Variants in FOXA3 observed in about 807,000 individuals in gnomAD.
FOXA3 encodes the protein hepatocyte nuclear factor 3-gamma.
FOXA3 carries 11 observed loss-of-function variants against 16.9 expected under a neutral mutation model. That is an observed-to-expected ratio of 0.65 (90% confidence interval 0.41 to 1.08). The LOEUF (loss-of-function observed/expected upper bound fraction) is 1.08, where lower values mean the gene tolerates loss of function less well. FOXA3 is among the 50% of genes least tolerant of loss of function. FOXA3 has a pLI of 0.00. For synonymous variants in FOXA3, 217 were observed against 203.3 expected, an observed-to-expected ratio of 1.07 and a Z score of -0.57; for missense variants, 423 against 470.1, an observed-to-expected ratio of 0.90 and a Z score of 0.93.
In FOXA3 at chr19:45,869,832, C is replaced by A. The variant is rs578030236; in HGVS notation, c.70-2243C>A. Among the ~76,000 whole-genome samples the A allele has an allele frequency of 1.2e-3, 185 of 151,808 alleles. 1 individual carries two copies. The highest frequency in any genetic ancestry group is 3.9e-3 in the African/African-American group (161 of 41,386). On this transcript the variant is annotated intron_variant, in intron 1 of 1. Transcript: ENST00000302177. The stretch of plus-strand genomic sequence containing the variant: ...ACAGAGTCTTGCTCTGTCGCCCAGG[C>A]TGGAGGGCAGTGGTGCAATCTCGGC...
At chr19:45,865,087 G>A (rs1442537636) in intron 1 of FOXA3, among the ~76,000 whole-genome samples, 1 of 152,022 alleles carries the variant, frequency 6.6e-6, no homozygotes, top group East Asian at 1.9e-4. Context: ...CAGAGATGGG[G>A]GTGCTCAGAG....
At chr19:45,864,567 T>C (rs772197338) in intron 1 of FOXA3, 42 bp downstream of exon 1, 9 of 1,457,136 alleles carry the variant, frequency 6.2e-6, no homozygotes, top group Non-Finnish European at 8.3e-6. Context: ...TGGGGGCAGG[T>C]ATCGGGGTGT....
chr19:45,870,244 A>G (rs1966892693), intron 1 of FOXA3, among the ~76,000 whole-genome samples: 1 of 147,554 alleles, frequency 6.8e-6, no homozygotes, highest in Non-Finnish European at 1.5e-5. Flanking sequence ...ATCTCAGCTC[A>G]CTGCAAGCTC....
At chr19:45,868,186 T>C (rs1600548927) in intron 1 of FOXA3, among the ~76,000 whole-genome samples, 1 of 152,244 alleles carries the variant, frequency 6.6e-6, no homozygotes, top group South Asian at 2.1e-4. Flanking sequence ...ATTTCTCGAC[T>C]GGAACTCAGA....
intron 1 of FOXA3, among the ~76,000 whole-genome samples, chr19:45,869,334 C>T (rs1972113442): frequency 6.6e-6 from 1 of 152,160 alleles, no homozygotes; most frequent in South Asian, 2.1e-4. Context: ...GCTGTGTGAC[C>T]CCAGCAACCT....
chr19:45,872,071 C>G lies in FOXA3; in HGVS notation c.70-4C>G. 1 of 1,612,164 alleles carries G rather than the reference C, an allele frequency of 6.2e-7. No homozygotes were observed. The highest frequency in any genetic ancestry group is 8.5e-7 in the Non-Finnish European group (1 of 1,178,928). On this transcript the variant is annotated splice_region_variant and splice_polypyrimidine_tract_variant and intron_variant, in intron 1 of 1. Transcript: ENST00000302177. The surrounding 1 kb of genome is among the most constrained non-coding windows in gnomAD (Gnocchi z 4.5). The stretch of plus-strand genomic sequence containing the variant: ...ACTGACCCCTCCTTTCATCTTTCCC[C>G]TAGGTCTACTCGCCGGTGACCCCAG...
chr19:45,872,803 A>T lies in FOXA3; in HGVS notation c.798A>T (p.Glu266Asp), dbSNP rs1352013268. 6 of 1,612,076 alleles carry T rather than the reference A, an allele frequency of 3.7e-6. No individual in the cohort carries two copies. Among genetic ancestry groups the T allele is most frequent in the Non-Finnish European group, 5.1e-6 (6 of 1,179,934 alleles). Residue 266 changes from glutamate (E) to aspartate (D), a missense_variant, in exon 2 of 2, where the codon GAA becomes GAT. This residue lies in a region of FOXA3 where 168 missense variants were observed against 179.3 expected (regional missense o/e 0.94). Coordinates refer to ENST00000302177, the MANE Select transcript of FOXA3 (RefSeq NM_004497.3). The surrounding 1 kb of genome is among the most constrained non-coding windows in gnomAD (Gnocchi z 4.5). ...PAPEPEAQGG[E>D]DVGALDCGSP... ...CTGAGCCTGAGGCCCAGGGCGGGGA[A>T]GATGTGGGGGCTCTGGACTGTGGCT...
chr19:45,872,404 G>T lies in FOXA3; in HGVS notation c.399G>T (p.Ala133=). ...ISLITMAIQQ[A]PGKMLTLSEI... ...TCATCACCATGGCCATCCAGCAGGCGCCGGGCAAGATGCTGACCTTGAGTG... is the reference window on the plus strand; with the variant it reads ...TCATCACCATGGCCATCCAGCAGGCTCCGGGCAAGATGCTGACCTTGAGTG... The change falls in exon 2 of 2, where the codon GCG becomes GCT. Residue 133 remains alanine, a synonymous_variant. Transcript: ENST00000302177. This position sits in a 1 kb window ranked among gnomAD's most constrained non-coding sequence, Gnocchi z 4.5. The T allele has an allele frequency of 6.2e-7, 1 of 1,614,212 alleles. No individual in the cohort carries two copies. Among genetic ancestry groups the T allele is most frequent in the Non-Finnish European group, 8.5e-7 (1 of 1,180,032 alleles).
rs758978324 is a variant in FOXA3, at chr19:45,872,708, G to C, written c.703G>C (p.Gly235Arg). Residue 235 changes from glycine (G) to arginine (R), a missense_variant, in exon 2 of 2, where the codon GGG becomes CGG. Gly to Arg is a moderately radical substitution (Grantham distance 125). This residue lies in a region of FOXA3 where 168 missense variants were observed against 179.3 expected (regional missense o/e 0.94). Coordinates refer to ENST00000302177, the MANE Select transcript of FOXA3 (RefSeq NM_004497.3). The surrounding 1 kb of genome is among the most constrained non-coding windows in gnomAD (Gnocchi z 4.5). ...TGCCACCACCACCAGGAACGGGACA[G>C]GGTCTGCTGCCTCGACCACCACCCC... is the stretch of plus-strand genomic sequence containing the variant. ...GAATTTRNGT[G>R]SAASTTTPAA... The C allele has an allele frequency of 1.9e-6, 3 of 1,607,376 alleles. No individual in the cohort carries two copies. Among genetic ancestry groups the C allele is most frequent in the Admixed American group, 3.4e-5 (2 of 59,248 alleles).
At position 45,870,569 on chromosome 19, in the gene FOXA3, C is replaced by CTTT. The variant is rs34349319; in HGVS notation, c.70-1492_70-1490dup. Among the ~76,000 whole-genome samples the CTTT allele has an allele frequency of 2.0e-3, 270 of 133,238 alleles. 1 individual carries two copies. Among genetic ancestry groups the CTTT allele is most frequent in the African/African-American group, 7.1e-3 (250 of 35,388 alleles). The allele number at this position is 133,238 out of a possible 152,430, so 87.4% of individuals were successfully genotyped here. On this transcript the variant is annotated intron_variant, in intron 1 of 1. Transcript: ENST00000302177. ...TTTTGGTCTCAGGACCACCCCCCTT[C>CTTT]TTTTTTTTTTTTTTTTGAGATGGAG...
intron 1 of FOXA3, among the ~76,000 whole-genome samples, chr19:45,871,570 C>CA (rs58715842): frequency 0.031 from 2,720 of 86,858 alleles, 77 homozygotes; most frequent in African/African-American, 0.077. Context: ...ACTAAAAATA[C>CA]AAAAAAAAAA....
chr19:45,865,680 C>T (rs543442550), intron 1 of FOXA3, among the ~76,000 whole-genome samples: 25 of 151,750 alleles, frequency 1.6e-4, no homozygotes, highest in African/African-American at 2.2e-4. Context: ...GTCTGGGGCT[C>T]GAAACTGTAG....
At chr19:45,864,839 A>G (rs1972066018) in intron 1 of FOXA3, among the ~76,000 whole-genome samples, 1 of 152,166 alleles carries the variant, frequency 6.6e-6, no homozygotes, top group African/African-American at 2.4e-5. Flanking sequence ...ATTTATATGT[A>G]CAAACCAAAG....
At chr19:45,867,666 G>C (rs1972096215) in intron 1 of FOXA3, among the ~76,000 whole-genome samples, 1 of 150,666 alleles carries the variant, frequency 6.6e-6, no homozygotes, top group Admixed American at 6.7e-5. Context: ...TATAATCCCA[G>C]TTACTTGGGA....
At chr19:45,869,178 A>C (rs1224111255) in intron 1 of FOXA3, among the ~76,000 whole-genome samples, 45 of 132,692 alleles carry the variant, frequency 3.4e-4, no homozygotes, top group African/African-American at 5.6e-4. Context: ...CCGCACCCCC[A>C]CCCCCCCCAC....
Position 45,870,379 on chromosome 19 carries a change from T to C in FOXA3, c.70-1696T>C, listed in dbSNP as rs144886740. On this transcript the variant is annotated intron_variant, in intron 1 of 1. Coordinates refer to ENST00000302177, the MANE Select transcript of FOXA3 (RefSeq NM_004497.3). ...TAGTAGAGACAGGGTTTCACCGTGT[T>C]AGCCAAGATGGTCTCGATCTCCTGA... 3.7e-3 allele frequency among the ~76,000 whole-genome samples: 564 copies of C among 151,058 alleles called. 2 individuals carry two copies. The highest frequency in any genetic ancestry group is 0.012 in the South Asian group (56 of 4,766).
chr19:45,866,487 A>G (rs1403161837), intron 1 of FOXA3, among the ~76,000 whole-genome samples: 1 of 152,034 alleles, frequency 6.6e-6, no homozygotes. Flanking sequence ...CAGTATTTGG[A>G]GGAATGGAAA....
Position 45,868,792 on chromosome 19 carries a change from GATACAA to G in FOXA3, c.70-3281_70-3276del, listed in dbSNP as rs759785011. ...GACAGTGGTTGAGAAGGGATAAGTAGATACAAAGAAAGAAACAACCTTCCAGCATGC... is the reference window on the plus strand; with the variant it reads ...GACAGTGGTTGAGAAGGGATAAGTAGAGAAAGAAACAACCTTCCAGCATGC... On this transcript the variant is annotated intron_variant, in intron 1 of 1. Coordinates refer to ENST00000302177, the MANE Select transcript of FOXA3 (RefSeq NM_004497.3). Among the ~76,000 whole-genome samples the G allele has an allele frequency of 6.6e-4, 100 of 152,260 alleles. 1 individual carries two copies. The highest frequency in any genetic ancestry group is 1.4e-3 in the Non-Finnish European group (93 of 68,012).
At position 45,872,893 on chromosome 19, in the gene FOXA3, G is replaced by A. The variant is rs769546205; in HGVS notation, c.888G>A (p.Ala296=). ...TCCCAGGGGAGCTGAAGCTGGACGC[G>A]CCCTACAACTTCAACCACCCTTTCT... is the stretch of plus-strand genomic sequence containing the variant. ...LELPGELKLD[A]PYNFNHPFSI... Residue 296 remains alanine, a synonymous_variant, in exon 2 of 2, where the codon GCG becomes GCA. Transcript: ENST00000302177. The surrounding 1 kb of genome is among the most constrained non-coding windows in gnomAD (Gnocchi z 4.5). The A allele has an allele frequency of 6.8e-6, 11 of 1,614,048 alleles. No individual in the cohort carries two copies. Among genetic ancestry groups the A allele is most frequent in the South Asian group, 1.1e-5 (1 of 91,084 alleles).
Sources: gnomAD v4.1 joint callset for allele counts (sites outside exome capture counted in the v4.1 genomes callset) on GRCh38, gnomAD v4.1.1 for gene constraint, gnomAD v4.1.1 regional missense constraint, Gnocchi (gnomAD v3.1) non-coding constraint, MANE v1.5 for transcripts, NCBI Gene and HGNC (gene_info 2026-07-23, HGNC 2026-07-21) for gene names.